MON2: variants seen among roughly 807,000 people sequenced by gnomAD.
The protein encoded by MON2 is protein MON2 homolog.
MON2 carries 84 observed loss-of-function variants against 208.6 expected under a neutral mutation model. The observed-to-expected ratio is 0.40, with a 90% CI of 0.34 to 0.48. The LOEUF (loss-of-function observed/expected upper bound fraction) is 0.48, where lower values mean the gene tolerates loss of function less well. Ranked by LOEUF, MON2 falls within the 20% of genes least tolerant of loss-of-function variation. MON2 has a pLI of 0.59. For synonymous variants in MON2, 660 were observed against 694.0 expected (o/e 0.95, Z 0.77); for missense variants, 1,611 against 2,015.4 (o/e 0.80, Z 3.84).
rs1045975362 is a variant in MON2 at position 62,592,921 on chromosome 12, C to T, written c.*172C>T. The stretch of plus-strand genomic sequence containing the variant: ...TAATTCATATTACAGGCTTGCACAT[C>T]AACAAAGGCTCCTGAATGAACAGCA... On this transcript the variant is annotated 3_prime_UTR_variant, in exon 35 of 35. Coordinates refer to ENST00000393630, the MANE Select transcript of MON2 (RefSeq NM_015026.3). The T allele has an allele frequency of 1.1e-5, 6 of 561,894 alleles. No homozygotes were observed. In the Admixed American group the frequency reaches 1.2e-4, roughly 12 times the overall value. 34.8% of individuals were successfully genotyped at this position (561,894 alleles called of 1,614,324 possible). A position where few individuals can be genotyped will look rare whatever the true frequency, so the allele number is the denominator to read the frequency against.
intron 16 of MON2, 55 bp downstream of exon 16, chr12:62,537,761 A>G (rs2073046415): frequency 3.1e-6 from 4 of 1,282,820 alleles, no homozygotes; most frequent in Non-Finnish European, 4.5e-6. Flanking sequence ...ATAATTGCTA[A>G]CAGTTAGACT....
chr12:62,493,000 C>A (rs919033644), intron 2 of MON2, among the ~76,000 whole-genome samples: 1 of 151,232 alleles, frequency 6.6e-6, no homozygotes, highest in Non-Finnish European at 1.5e-5. Context: ...CAAAAAAAAC[C>A]AAAAAGACAC....
intron 5 of MON2, 64 bp downstream of exon 5, chr12:62,499,112 T>G: frequency 6.4e-7 from 1 of 1,563,664 alleles, no homozygotes; most frequent in South Asian, 1.2e-5. Flanking sequence ...TGTATTAACT[T>G]TCGGCCTTTG....
intron 12 of MON2, among the ~76,000 whole-genome samples, 159 bp from the exon 13 acceptor site, chr12:62,534,686 G>A (rs553743990): frequency 1.4e-4 from 21 of 148,176 alleles, no homozygotes; most frequent in South Asian, 2.1e-4. Flanking sequence ...CTGAGTTTTC[G>A]TTCTTTTAGA....
At chr12:62,483,005 G>A (rs1168341196) in intron 1 of MON2, 2 of 151,958 alleles carry the variant, frequency 1.3e-5, no homozygotes, top group Non-Finnish European at 2.9e-5. Flanking sequence ...TTGCACTCCA[G>A]GCTGGGCAGT....
At chr12:62,545,913 T>G (rs183149858) in intron 21 of MON2, among the ~76,000 whole-genome samples, 1 of 152,204 alleles carries the variant, frequency 6.6e-6, no homozygotes, top group African/African-American at 2.4e-5. Flanking sequence ...CCATTTATTT[T>G]GATATCCTCA....
In MON2 at chr12:62,598,079, A is replaced by T. The variant is rs1165752481; in HGVS notation, c.*5330A>T. ...TTGCCCATGTATTTCAACTATTTTC[A>T]TTTTTCTGTTGCAAAGCAGTCTTTG... On this transcript the variant is annotated 3_prime_UTR_variant, in exon 35 of 35. Transcript: ENST00000393630. 1.3e-5 allele frequency: 2 copies of T among 151,942 alleles called. No homozygotes were observed. Among genetic ancestry groups the T allele is most frequent in the African/African-American group, 4.8e-5 (2 of 41,374 alleles). The allele number at this position is 151,942 out of a possible 1,614,324, so 9.4% of individuals were successfully genotyped here.
At position 62,472,583 on chromosome 12, in the gene MON2, G is replaced by A. The variant is rs1158172864; in HGVS notation, c.111+5265G>A. ...TGTGATAGAGTTCCTCAGTATCCAGGTGTTTTGCTTTGTTAACTGGCTTAG... is the reference window on the plus strand; with the variant it reads ...TGTGATAGAGTTCCTCAGTATCCAGATGTTTTGCTTTGTTAACTGGCTTAG... On this transcript the variant is annotated intron_variant, in intron 1 of 34. Transcript: ENST00000393630. 3.9e-5 allele frequency among the ~76,000 whole-genome samples: 6 copies of A among 152,296 alleles called. No individual in the cohort carries two copies. In the East Asian group the frequency reaches 5.8e-4, roughly 15 times the overall value.
intron 31 of MON2, among the ~76,000 whole-genome samples, chr12:62,578,739 G>A (rs2074885498): frequency 6.6e-6 from 1 of 152,104 alleles, no homozygotes; most frequent in Non-Finnish European, 1.5e-5. Flanking sequence ...ACTTAGTTGT[G>A]TTCATTTAAT....
At chr12:62,485,678 G>C (rs990136556) in intron 2 of MON2, among the ~76,000 whole-genome samples, 1 of 152,102 alleles carries the variant, frequency 6.6e-6, no homozygotes, top group Non-Finnish European at 1.5e-5. Flanking sequence ...GGGTTAGGAA[G>C]GCTGGCAAGT....
At chr12:62,523,442 T>G (rs2072168936) in intron 8 of MON2, among the ~76,000 whole-genome samples, 1 of 152,194 alleles carries the variant, frequency 6.6e-6, no homozygotes, top group Non-Finnish European at 1.5e-5. Context: ...TAAACTAAGC[T>G]TTATCATGTT....
At chr12:62,478,369 A>G (rs1480691754) in intron 1 of MON2, among the ~76,000 whole-genome samples, 3 of 152,212 alleles carry the variant, frequency 2.0e-5, no homozygotes, top group Non-Finnish European at 4.4e-5. Context: ...CATAGACAGT[A>G]CTAAAGGTAG....
intron 2 of MON2, among the ~76,000 whole-genome samples, chr12:62,490,760 C>G (rs2136033068): frequency 6.6e-6 from 1 of 151,860 alleles, no homozygotes; most frequent in South Asian, 2.1e-4. Context: ...TTTGATTATT[C>G]TTATATAAAT....
At chr12:62,518,759 G>A (rs931761288) in intron 8 of MON2, among the ~76,000 whole-genome samples, 1 of 152,052 alleles carries the variant, frequency 6.6e-6, no homozygotes, top group Non-Finnish European at 1.5e-5. Context: ...ATGATCAACT[G>A]GTAAAACATT....
chr12:62,576,364 G>T (rs1261649331), intron 30 of MON2, among the ~76,000 whole-genome samples: 1 of 151,940 alleles, frequency 6.6e-6, no homozygotes, highest in Non-Finnish European at 1.5e-5. Flanking sequence ...TTTTGGGGGG[G>T]TGATCAAAAT....
intron 1 of MON2, among the ~76,000 whole-genome samples, chr12:62,479,378 C>CTATGTAAA (rs2069265709): frequency 6.7e-6 from 1 of 149,620 alleles, no homozygotes; most frequent in South Asian, 2.1e-4. Flanking sequence ...AGTGTAAATG[C>CTATGTAAA]TATGTAAATA....
At chr12:62,475,930 G>A (rs1349840109) in intron 1 of MON2, among the ~76,000 whole-genome samples, 1 of 151,924 alleles carries the variant, frequency 6.6e-6, no homozygotes, top group Non-Finnish European at 1.5e-5. Flanking sequence ...AGAATCACTT[G>A]AACCCGGGAG....
At chr12:62,470,511 A>G (rs973533704) in intron 1 of MON2, among the ~76,000 whole-genome samples, 1 of 152,038 alleles carries the variant, frequency 6.6e-6, no homozygotes, top group East Asian at 1.9e-4. Context: ...AACTTTTTTT[A>G]GTACAACTGT....
At chr12:62,509,389 A>G (rs1392224028) in intron 8 of MON2, among the ~76,000 whole-genome samples, 6 of 152,228 alleles carry the variant, frequency 3.9e-5, no homozygotes, top group African/African-American at 1.4e-4. Context: ...TGCTGGGATT[A>G]CAGGCGTCAG....
Sources: allele counts gnomAD v4.1 joint callset (sites outside exome capture counted in the v4.1 genomes callset), GRCh38; gene constraint gnomAD v4.1.1; transcripts MANE v1.5; gene names NCBI Gene and HGNC (gene_info 2026-07-23, HGNC 2026-07-21).